Variants in SLC24A2 observed in about 807,000 individuals in gnomAD.
The protein encoded by SLC24A2 is solute carrier family 24 member 2, also known as sodium/potassium/calcium exchanger 2.
A neutral mutation model predicts 62.0 loss-of-function variants in SLC24A2; 36 were observed. The observed-to-expected ratio is 0.58, with a 90% CI of 0.44 to 0.77. The LOEUF (loss-of-function observed/expected upper bound fraction) is 0.77. Ranked by LOEUF, SLC24A2 falls within the 30% of genes least tolerant of loss-of-function variation. The pLI is 0.00. For missense variants in SLC24A2, 846 were observed against 817.9 expected, an observed-to-expected ratio of 1.03 and a Z score of -0.42; for synonymous variants, 358 against 294.0, an observed-to-expected ratio of 1.22 and a Z score of -2.23.
At chr9:20,240,047 G>C in the SLC24A2 span, among the ~76,000 whole-genome samples, 1 of 152,078 alleles carries the variant, frequency 6.6e-6, no homozygotes, top group East Asian at 1.9e-4. Flanking sequence ...GGAGAGGTGA[G>C]AGAGAACTTG....
intron 2 of SLC24A2, among the ~76,000 whole-genome samples, chr9:19,779,164 G>C (rs756547439): frequency 9.2e-5 from 14 of 152,196 alleles, no homozygotes; most frequent in Non-Finnish European, 1.6e-4. Context: ...GATAGTACAA[G>C]ATACGTCTAA....
intron 7 of SLC24A2, among the ~76,000 whole-genome samples, chr9:19,551,871 G>C (rs1400151612): frequency 6.6e-6 from 1 of 152,128 alleles, no homozygotes; most frequent in Non-Finnish European, 1.5e-5. Flanking sequence ...CTCTCCCTAG[G>C]AGTTACAATT....
the SLC24A2 span, among the ~76,000 whole-genome samples, chr9:19,942,783 G>T: frequency 6.6e-6 from 1 of 152,190 alleles, no homozygotes; most frequent in Non-Finnish European, 1.5e-5. Flanking sequence ...TAGTGTAAGA[G>T]AAAGTAAAGC....
At chr9:19,752,770 C>T (rs543944927) in intron 2 of SLC24A2, among the ~76,000 whole-genome samples, 90 of 152,244 alleles carry the variant, frequency 5.9e-4, no homozygotes, top group African/African-American at 2.1e-3. Flanking sequence ...CAATCTTAGA[C>T]ACTAGGTACT....
the SLC24A2 span, among the ~76,000 whole-genome samples, chr9:19,881,635 G>C: frequency 7.9e-5 from 12 of 152,228 alleles, no homozygotes; most frequent in East Asian, 2.1e-3. Flanking sequence ...CGTTAACTTA[G>C]GGGTACACAC....
intron 7 of SLC24A2, among the ~76,000 whole-genome samples, chr9:19,561,784 G>C (rs1294480429): frequency 3.1e-5 from 2 of 64,360 alleles, no homozygotes; most frequent in African/African-American, 6.9e-5. Context: ...GTAGAAAATA[G>C]TATACTCCCT....
At chr9:19,737,756 T>A (rs1486652658) in intron 2 of SLC24A2, among the ~76,000 whole-genome samples, 3 of 152,070 alleles carry the variant, frequency 2.0e-5, no homozygotes, top group African/African-American at 7.2e-5. Context: ...AGTTTCAAAA[T>A]TTTAAATCAA....
intron 2 of SLC24A2, among the ~76,000 whole-genome samples, chr9:19,634,281 C>CTTTTTTTT (rs35884916): frequency 1.3e-5 from 1 of 79,294 alleles, no homozygotes; most frequent in Non-Finnish European, 2.3e-5. Flanking sequence ...ACTGCAGCCT[C>CTTTTTTTT]TTTTTTTTTT....
the SLC24A2 span, among the ~76,000 whole-genome samples, chr9:19,992,373 A>T: frequency 6.6e-6 from 1 of 152,194 alleles, no homozygotes; most frequent in Non-Finnish European, 1.5e-5. Context: ...TGCTTATTGA[A>T]GATATTTTTA....
At chr9:19,954,022 G>A in the SLC24A2 span, among the ~76,000 whole-genome samples, 1 of 151,648 alleles carries the variant, frequency 6.6e-6, no homozygotes, top group East Asian at 1.9e-4. Context: ...AGTTCCCTGA[G>A]GTGCCTCAGC....
chr9:19,773,027 TA>T (rs1822736534), intron 2 of SLC24A2, among the ~76,000 whole-genome samples: 1 of 152,156 alleles, frequency 6.6e-6, no homozygotes, highest in African/African-American at 2.4e-5. Context: ...GGACGAACCT[TA>T]AAAACATTAC....
intron 2 of SLC24A2, among the ~76,000 whole-genome samples, chr9:19,640,681 A>C (rs1156304601): frequency 6.6e-6 from 1 of 152,252 alleles, no homozygotes; most frequent in African/African-American, 2.4e-5. Flanking sequence ...AAGTAAAGAC[A>C]GCTCTTACCT....
At chr9:20,023,123 C>T in the SLC24A2 span, among the ~76,000 whole-genome samples, 1 of 152,154 alleles carries the variant, frequency 6.6e-6, no homozygotes, top group South Asian at 2.1e-4. Context: ...TCATAAAAAG[C>T]CACGACAGAC....
chr9:19,924,798 G>A, the SLC24A2 span, among the ~76,000 whole-genome samples: 1 of 152,198 alleles, frequency 6.6e-6, no homozygotes, highest in Non-Finnish European at 1.5e-5. Context: ...CCACCAAACT[G>A]CCTAGCATCT....
the SLC24A2 span, among the ~76,000 whole-genome samples, chr9:20,047,154 G>A: frequency 1.3e-5 from 2 of 152,190 alleles, no homozygotes; most frequent in Non-Finnish European, 2.9e-5. Context: ...TACAACAGGT[G>A]ATGTTGACAT....
At chr9:20,050,465 T>G in the SLC24A2 span, among the ~76,000 whole-genome samples, 19 of 152,150 alleles carry the variant, frequency 1.2e-4, no homozygotes, top group East Asian at 2.3e-3. Flanking sequence ...ACTTTCCAAG[T>G]CTACTTGACT....
the SLC24A2 span, among the ~76,000 whole-genome samples, chr9:20,166,560 A>G: frequency 6.6e-6 from 1 of 152,030 alleles, no homozygotes; most frequent in Non-Finnish European, 1.5e-5. Flanking sequence ...AGGAGTATAT[A>G]TGGTATGTTT....
chr9:19,837,314 C>CTACA, the SLC24A2 span, among the ~76,000 whole-genome samples: 1 of 150,454 alleles, frequency 6.6e-6, no homozygotes, highest in African/African-American at 2.4e-5. Flanking sequence ...TAGCCGGGTG[C>CTACA]GGTGGCGGGC....
the SLC24A2 span, among the ~76,000 whole-genome samples, chr9:20,209,780 T>C: frequency 6.6e-6 from 1 of 152,208 alleles, no homozygotes; most frequent in African/African-American, 2.4e-5. Context: ...GGCTCTTTCT[T>C]ACCTAATCCA....
Sources: allele counts gnomAD v4.1 joint callset (sites outside exome capture counted in the v4.1 genomes callset), GRCh38; gene constraint gnomAD v4.1.1; transcripts MANE v1.5; gene names NCBI Gene and HGNC (gene_info 2026-07-23, HGNC 2026-07-21).